Variants in ADAM18 observed in about 807,000 individuals in gnomAD.
ADAM18 encodes disintegrin and metalloproteinase domain-containing protein 18.
Under a neutral mutation model 94.4 loss-of-function variants are expected in ADAM18, and 117 were observed. That is an observed-to-expected ratio of 1.24 (90% CI 1.07 to 1.45). The LOEUF (loss-of-function observed/expected upper bound fraction) is 1.45, where lower values mean the gene tolerates loss of function less well. Ranked by LOEUF, ADAM18 falls within the 40% of genes most tolerant of loss-of-function variation. The probability of loss-of-function intolerance (pLI) is 0.00; values close to 1 mark genes in which losing one functional copy is unlikely to be tolerated. For synonymous variants in ADAM18, 327 were observed against 291.6 expected (o/e 1.12, Z -1.24); for missense variants, 936 against 880.0 (o/e 1.06, Z -0.81).
intron 12 of ADAM18, among the ~76,000 whole-genome samples, chr8:39,662,082 G>A (rs1394096616): frequency 2.0e-5 from 3 of 151,894 alleles, no homozygotes; most frequent in African/African-American, 4.8e-5. Flanking sequence ...TTGCACAAAT[G>A]CAAATTTATG....
intron 16 of ADAM18, chr8:39,685,046 G>T (rs1821572776): frequency 6.6e-6 from 1 of 152,212 alleles, no homozygotes; most frequent in African/African-American, 2.4e-5. Context: ...TACTTATTCA[G>T]GGAGCTCAGT....
At chr8:39,644,805 C>T (rs1314432765) in intron 10 of ADAM18, among the ~76,000 whole-genome samples, 1 of 152,218 alleles carries the variant, frequency 6.6e-6, no homozygotes, top group African/African-American at 2.4e-5. Context: ...ATTTTATACC[C>T]CTCCATAAAA....
chr8:39,676,862 G>T (rs957585768), intron 14 of ADAM18, among the ~76,000 whole-genome samples: 3 of 152,186 alleles, frequency 2.0e-5, no homozygotes, highest in Admixed American at 2.0e-4. Flanking sequence ...GATTCATTTA[G>T]AATTTTTCTC....
intron 12 of ADAM18, among the ~76,000 whole-genome samples, chr8:39,650,985 C>T (rs903863039): frequency 1.3e-5 from 2 of 152,132 alleles, no homozygotes; most frequent in Non-Finnish European, 2.9e-5. Context: ...TGATCATTAT[C>T]GGGCGTTTCT....
At chr8:39,668,652 T>C (rs992882992) in intron 14 of ADAM18, among the ~76,000 whole-genome samples, 2 of 152,174 alleles carry the variant, frequency 1.3e-5, no homozygotes, top group Non-Finnish European at 2.9e-5. Flanking sequence ...AATTCATTTT[T>C]ATGTTTTGTT....
chr8:39,634,901 G>A (rs1418000215), intron 7 of ADAM18, among the ~76,000 whole-genome samples: 1 of 152,122 alleles, frequency 6.6e-6, no homozygotes, highest in Non-Finnish European at 1.5e-5. Flanking sequence ...AGAATGACAT[G>A]AATTTTGGGA....
chr8:39,606,683 T>C (rs777876512), intron 3 of ADAM18, among the ~76,000 whole-genome samples: 2 of 152,206 alleles, frequency 1.3e-5, no homozygotes, highest in Non-Finnish European at 2.9e-5. Flanking sequence ...AACATAGTTA[T>C]GTCACTGGTG....
chr8:39,724,878 G>A (rs1206279135), intron 19 of ADAM18, among the ~76,000 whole-genome samples: 1 of 151,868 alleles, frequency 6.6e-6, no homozygotes, highest in Admixed American at 6.6e-5. Context: ...TTTTTGCCTT[G>A]TTAATTTTCA....
At chr8:39,637,105 T>G (rs899187995) in intron 7 of ADAM18, among the ~76,000 whole-genome samples, 159 bp from the exon 8 acceptor site, 5 of 147,892 alleles carry the variant, frequency 3.4e-5, no homozygotes, top group Non-Finnish European at 7.4e-5. Context: ...TCTTGTCTCA[T>G]ATAAAATAGT....
intron 18 of ADAM18, among the ~76,000 whole-genome samples, chr8:39,722,908 C>A (rs1822799460): frequency 6.6e-6 from 1 of 151,456 alleles, no homozygotes; most frequent in South Asian, 2.1e-4. Context: ...AACTTTATGG[C>A]ACACATTTTT....
chr8:39,669,477 A>T (rs1316463167), intron 14 of ADAM18, among the ~76,000 whole-genome samples: 1 of 58,984 alleles, frequency 1.7e-5, no homozygotes. Flanking sequence ...CCCCCACCCC[A>T]CAACAGTCCC....
chr8:39,585,842 A>G (rs773052191), intron 2 of ADAM18, among the ~76,000 whole-genome samples: 27 of 152,222 alleles, frequency 1.8e-4, no homozygotes, highest in African/African-American at 2.4e-4. Flanking sequence ...ATATTACAAT[A>G]AGTAAATATT....
intron 6 of ADAM18, among the ~76,000 whole-genome samples, chr8:39,611,937 A>C (rs1047698523): frequency 1.3e-5 from 2 of 152,216 alleles, no homozygotes; most frequent in African/African-American, 4.8e-5. Context: ...AAGAAATCAA[A>C]ACATACTTGA....
intron 15 of ADAM18, among the ~76,000 whole-genome samples, chr8:39,679,532 A>C (rs930596873): frequency 1.3e-5 from 2 of 152,326 alleles, no homozygotes; most frequent in Admixed American, 6.5e-5. Flanking sequence ...AGTTAAATAT[A>C]CTGGAAATAT....
chr8:39,702,557 C>T (rs114541846), intron 17 of ADAM18, among the ~76,000 whole-genome samples: 3,039 of 152,160 alleles, frequency 0.02, 95 homozygotes, highest in African/African-American at 0.069. Flanking sequence ...AAATCTTTTC[C>T]GGTGCCTATG....
At chr8:39,694,451 CA>C (rs1821867922) in intron 17 of ADAM18, among the ~76,000 whole-genome samples, 1 of 151,198 alleles carries the variant, frequency 6.6e-6, no homozygotes, top group African/African-American at 2.4e-5. Context: ...GTTTTTAGTT[CA>C]ATTTTTGAGT....
At chr8:39,676,974 C>G (rs1821319060) in intron 14 of ADAM18, among the ~76,000 whole-genome samples, 1 of 152,120 alleles carries the variant, frequency 6.6e-6, no homozygotes, top group Non-Finnish European at 1.5e-5. Flanking sequence ...TGATTTTATA[C>G]TAGTCAGACA....
intron 6 of ADAM18, among the ~76,000 whole-genome samples, chr8:39,621,583 A>G (rs1240271865): frequency 6.6e-6 from 1 of 152,006 alleles, no homozygotes; most frequent in Non-Finnish European, 1.5e-5. Flanking sequence ...TATTATTTTA[A>G]TTTATTTAAA....
intron 14 of ADAM18, among the ~76,000 whole-genome samples, chr8:39,677,072 T>G (rs1303460993): frequency 6.6e-6 from 1 of 152,206 alleles, no homozygotes; most frequent in South Asian, 2.1e-4. Flanking sequence ...GAAAACTATA[T>G]AAGTTCCAGA....
Sources: gnomAD v4.1 joint callset for allele counts (sites outside exome capture counted in the v4.1 genomes callset) on GRCh38, gnomAD v4.1.1 for gene constraint, MANE v1.5 for transcripts, NCBI Gene and HGNC (gene_info 2026-07-23, HGNC 2026-07-21) for gene names.